The following PPOX variants were observed in gnomAD, a reference collection of about 807,000 sequenced individuals.
PPOX encodes variegate porphyria.
Under a neutral mutation model 54.1 loss-of-function variants are expected in PPOX, and 23 were observed. That is an observed-to-expected ratio of 0.43 (90% confidence interval 0.31 to 0.60). The LOEUF is 0.60. Ranked by LOEUF, PPOX falls within the 20% of genes least tolerant of loss-of-function variation. PPOX has a pLI of 0.13. For missense variants in PPOX, 512 were observed against 601.1 expected, an observed-to-expected ratio of 0.85 and a Z score of 1.55; for synonymous variants, 224 against 236.1, an observed-to-expected ratio of 0.95 and a Z score of 0.47.
At chr1:161,176,477 G>A (rs1663560623) in intron 4 of PPOX, 1 of 373,002 alleles carries the variant, frequency 2.7e-6, no homozygotes, top group African/African-American at 2.0e-5. Context: ...GGCTCCAGGG[G>A]GTCCCGGGGG....
At chr1:161,173,860 T>C, downstream of PPOX, 1 of 1,613,644 alleles carries the variant, frequency 6.2e-7, no homozygotes, top group Non-Finnish European at 8.5e-7. Context: ...GCCCTCTACC[T>C]GTATCCAAAC....
intron 2 of PPOX, 25 bp downstream of exon 2, chr1:161,166,959 G>C: frequency 6.2e-7 from 1 of 1,613,072 alleles, no homozygotes; most frequent in Non-Finnish European, 8.5e-7. Context: ...TGTGCCAGAG[G>C]GAGCTTCATT....
At chr1:161,167,899 A>T in intron 4 of PPOX, 96 bp from the exon 5 acceptor site, 2 of 1,587,784 alleles carry the variant, frequency 1.3e-6, no homozygotes, top group Non-Finnish European at 1.7e-6. Flanking sequence ...CAGCCTTCCC[A>T]GCAAAAGGAA....
rs776410433 is a variant in PPOX, at chr1:161,168,420, C to T, written c.472-12C>T. 1.4e-5 allele frequency: 22 copies of T among 1,613,496 alleles called. No homozygotes were observed. Among genetic ancestry groups the T allele is most frequent in the Non-Finnish European group, 1.7e-5 (20 of 1,179,814 alleles). The stretch of plus-strand genomic sequence containing the variant: ...TATTTTTTCGCTCCTTAGTCCTAGT[C>T]TCACCCTTAAGGTGGCGTCTCTAGC... On this transcript the variant is annotated splice_polypyrimidine_tract_variant and intron_variant, in intron 5 of 12. Transcript: ENST00000367999.
At chr1:161,173,456 G>T, downstream of PPOX, 1 of 1,171,564 alleles carries the variant, frequency 8.5e-7, no homozygotes, top group South Asian at 1.5e-5. Flanking sequence ...GCCTGACCTG[G>T]GTATCCTAAA....
chr1:161,167,034 C>T, intron 2 of PPOX, 66 bp from the exon 3 acceptor site: 11 of 1,613,398 alleles, frequency 6.8e-6, no homozygotes, highest in Non-Finnish European at 8.5e-6. Context: ...GCCTCTTCCC[C>T]TCCCCTCCTG....
chr1:161,172,579 G>C (rs1213676100), downstream of PPOX, among the ~76,000 whole-genome samples: 1 of 152,156 alleles, frequency 6.6e-6, no homozygotes, highest in Admixed American at 6.5e-5. Context: ...CTATTCCCTT[G>C]GCTTCCTAAA....
downstream of PPOX, chr1:161,175,133 C>T (rs778993868): frequency 6.2e-7 from 1 of 1,613,956 alleles, no homozygotes; most frequent in Non-Finnish European, 8.5e-7. Context: ...TCACAACCTG[C>T]AGGGCGGTAC....
At chr1:161,169,410 G>C in intron 7 of PPOX, 2 of 692,896 alleles carry the variant, frequency 2.9e-6, no homozygotes, top group Non-Finnish European at 4.9e-6. Context: ...CTTAGAGATA[G>C]GGGAAAGAAC....
At chr1:161,169,850 G>A (rs1187049854) in intron 8 of PPOX, 56 bp from the exon 9 acceptor site, 1 of 1,614,122 alleles carries the variant, frequency 6.2e-7, no homozygotes, top group Admixed American at 1.7e-5. Context: ...ATCCCAAAGA[G>A]GACTGACAAC....
At position 161,167,977 on chromosome 1, in the gene PPOX, A is replaced by G. The variant is rs1659732132; in HGVS notation, c.339-18A>G. The G allele has an allele frequency of 1.2e-6, 2 of 1,613,846 alleles. No homozygotes were observed. The highest frequency in any genetic ancestry group is 1.3e-5 in the African/African-American group (1 of 74,946). ...GTATGTCAGGAGCTTCCCCCTCACT[A>G]TGCCTTTCTCCATGCAGGGGGCTAC... On this transcript the variant is annotated intron_variant, in intron 4 of 12. Transcript: ENST00000367999.
chr1:161,167,871 AT>A, intron 4 of PPOX, 123 bp from the exon 5 acceptor site: 1 of 1,511,284 alleles, frequency 6.6e-7, no homozygotes, highest in Non-Finnish European at 9.1e-7. Flanking sequence ...CCTGCCTTCC[AT>A]TTCTTCATCT....
chr1:161,166,606 G>A lies in PPOX; in HGVS notation c.-75G>A. 2 of 1,436,980 alleles carry A rather than the reference G, an allele frequency of 1.4e-6. No homozygotes were observed. The highest frequency in any genetic ancestry group is 1.8e-6 in the Non-Finnish European group (2 of 1,098,204). The allele number at this position is 1,436,980 out of a possible 1,614,324, so 89.0% of individuals were successfully genotyped here. On this transcript the variant is annotated 5_prime_UTR_variant, in exon 1 of 13. Transcript: ENST00000367999. ...CCTTATCTGCACCCAGCAGAGCGCC[G>A]GCGGGGTACGGTCTTAGGACCTCGA...
intron 2 of PPOX, 33 bp from the exon 3 acceptor site, chr1:161,167,067 C>A (rs1659236205): frequency 6.2e-7 from 1 of 1,614,132 alleles, no homozygotes; most frequent in African/African-American, 1.3e-5. Flanking sequence ...CGGCTACAGG[C>A]GGTGCTGCAG....
At chr1:161,169,496 T>G in intron 7 of PPOX, 164 bp from the exon 8 acceptor site, 1 of 794,872 alleles carries the variant, frequency 1.3e-6, no homozygotes. Context: ...GAGGAATGAT[T>G]TTTTGTGAAG....
At chr1:161,166,292 C>A, upstream of PPOX, 1 of 1,019,610 alleles carries the variant, frequency 9.8e-7, no homozygotes, top group Non-Finnish European at 1.2e-6. Flanking sequence ...GGTTAACCTC[C>A]AGCTCTTACA....
chr1:161,169,825 C>G, intron 8 of PPOX, 81 bp from the exon 9 acceptor site: 2 of 1,614,098 alleles, frequency 1.2e-6, no homozygotes, highest in Non-Finnish European at 1.7e-6. Flanking sequence ...AACTGGTCAT[C>G]TCTATGGGAG....
Position 161,167,239 on chromosome 1 carries a change from G to T in PPOX, c.222+5G>T. 6.2e-7 allele frequency: 1 copy of T among 1,614,172 alleles called. No individual in the cohort carries two copies. The highest frequency in any genetic ancestry group is 1.1e-5 in the South Asian group (1 of 91,088). Reference sequence around the variant, plus strand: ...GGGGCCCGGACCTTGCTCCTGGTGAGAGGCTTGTGGGATGTCTAGGAGAGG... The same window carrying T: ...GGGGCCCGGACCTTGCTCCTGGTGATAGGCTTGTGGGATGTCTAGGAGAGG... On this transcript the variant is annotated splice_donor_5th_base_variant and intron_variant, in intron 3 of 12. Transcript: ENST00000367999.
At chr1:161,177,388 A>T, downstream of PPOX, 1 of 300,690 alleles carries the variant, frequency 3.3e-6, no homozygotes, top group Non-Finnish European at 6.4e-6. Flanking sequence ...CCTTTATCCC[A>T]GGCCTCCGTG....
Sources: gnomAD v4.1 joint callset for allele counts (sites outside exome capture counted in the v4.1 genomes callset) on GRCh38, gnomAD v4.1.1 for gene constraint, MANE v1.5 for transcripts, NCBI Gene and HGNC (gene_info 2026-07-23, HGNC 2026-07-21) for gene names.